PDE6B: variants seen among roughly 807,000 people sequenced by gnomAD.
PDE6B encodes the protein phosphodiesterase 6B.
PDE6B carries 106 observed loss-of-function variants against 109.0 expected under a neutral mutation model. The ratio of observed to expected loss-of-function variants is 0.97; its 90% CI spans 0.83 to 1.14. The LOEUF (loss-of-function observed/expected upper bound fraction) is 1.14. Among genes scored for constraint, PDE6B ranks in the 50% most tolerant of loss-of-function variants. The probability of loss-of-function intolerance (pLI) is 0.00; values close to 1 mark genes in which losing one functional copy is unlikely to be tolerated. For synonymous variants in PDE6B, 490 were observed against 471.3 expected (o/e 1.04, Z -0.51); for missense variants, 1,193 against 1,155.6 (o/e 1.03, Z -0.47).
At chr4:659,886 A>G (rs1168706590) in intron 11 of PDE6B, among the ~76,000 whole-genome samples, 1 of 152,176 alleles carries the variant, frequency 6.6e-6, no homozygotes, top group Non-Finnish European at 1.5e-5. Flanking sequence ...CTGCCTATGC[A>G]ATTTAGCCAG....
At chr4:630,530 C>G (rs1734333937) in intron 1 of PDE6B, among the ~76,000 whole-genome samples, 1 of 152,122 alleles carries the variant, frequency 6.6e-6, no homozygotes, top group Non-Finnish European at 1.5e-5. Context: ...GTAAACATTC[C>G]CTGTGGTGTT....
intron 8 of PDE6B, among the ~76,000 whole-genome samples, 198 bp downstream of exon 8, chr4:656,490 C>T (rs568514007): frequency 1.3e-5 from 2 of 151,956 alleles, no homozygotes; most frequent in Non-Finnish European, 2.9e-5. Context: ...CCCCCACACA[C>T]GCCCGCAAGG....
chr4:665,037 T>G lies in PDE6B; in HGVS notation c.2193+93T>G. 2 of 1,081,434 alleles carry G rather than the reference T, an allele frequency of 1.8e-6. No individual in the cohort carries two copies. Among genetic ancestry groups the G allele is most frequent in the South Asian group, 2.5e-5 (2 of 79,614 alleles). 67.0% of individuals were successfully genotyped at this position (1,081,434 alleles called of 1,614,324 possible). ...GGAGCCTCGGATGGCAACGGACCAT[T>G]GTTTGCAAGGAGCTCTGAGGGCCAC... On this transcript the variant is annotated intron_variant, in intron 18 of 21. Transcript: ENST00000496514. This position sits in a 1 kb window ranked among gnomAD's most constrained non-coding sequence, Gnocchi z 4.0.
At position 670,064 on chromosome 4, in the gene PDE6B, A is replaced by G. The variant is rs1738340560; in HGVS notation, c.2522A>G (p.Asn841Ser). 1 of 1,613,058 alleles carries G rather than the reference A, an allele frequency of 6.2e-7. No individual in the cohort carries two copies. The highest frequency in any genetic ancestry group is 1.7e-5 in the Admixed American group (1 of 59,982). ...AAKKVGTEIC[N>S]GGPAPKSSTC... ...CTTGCAGTAGGCACAGAAATTTGCAATGGCGGCCCAGCACCCAAGTCTTCA... is the reference window on the plus strand; with the variant it reads ...CTTGCAGTAGGCACAGAAATTTGCAGTGGCGGCCCAGCACCCAAGTCTTCA... Residue 841 changes from asparagine to serine, a missense_variant, in exon 22 of 22, where the codon AAT becomes AGT. Asn to Ser is a conservative substitution (Grantham distance 46). Transcript: ENST00000496514.
At chr4:632,096 T>C (rs1734414113) in intron 1 of PDE6B, among the ~76,000 whole-genome samples, 1 of 151,618 alleles carries the variant, frequency 6.6e-6, no homozygotes, top group African/African-American at 2.4e-5. Flanking sequence ...CAGGGTCACA[T>C]TGCATGGATT....
chr4:662,168 G>A lies in PDE6B; in HGVS notation c.1649G>A (p.Gly550Glu). The change falls in exon 13 of 22, where the codon GGG becomes GAG. Residue 550 changes from glycine to glutamate, a missense_variant. Gly to Glu is a moderately conservative substitution (Grantham distance 98). Coordinates refer to ENST00000496514, the MANE Select transcript of PDE6B (RefSeq NM_000283.4). The surrounding 1 kb of genome is among the most constrained non-coding windows in gnomAD (Gnocchi z 4.3). ...LVRFLFSISK[G>E]YRRITYHNWR... ...CGGTTCCTGTTCTCCATCAGCAAAG[G>A]GTACCGGAGAATCACCTACCACAAC... 2 of 1,578,066 alleles carry A rather than the reference G, an allele frequency of 1.3e-6. No individual in the cohort carries two copies. Among genetic ancestry groups the A allele is most frequent in the Non-Finnish European group, 1.7e-6 (2 of 1,161,828 alleles).
Position 625,912 on chromosome 4 carries a change from A to C in PDE6B, c.286A>C (p.Met96Leu). The change falls in exon 1 of 22, where the codon ATG becomes CTG. Residue 96 changes from methionine (M) to leucine (L), a missense_variant. Met to Leu is a conservative substitution (Grantham distance 15, BLOSUM62 2). Transcript: ENST00000496514. The surrounding 1 kb of genome is among the most constrained non-coding windows in gnomAD (Gnocchi z 5.0). Reference sequence around the variant, plus strand: ...GCAGGCCGACCGCTGCAGCCTCTTCATGTACCGCCAGCGCAACGGCGTGGC... The same window carrying C: ...GCAGGCCGACCGCTGCAGCCTCTTCCTGTACCGCCAGCGCAACGGCGTGGC... ...LLQADRCSLF[M>L]YRQRNGVAEL... is the part of the protein sequence containing the mutation. The C allele has an allele frequency of 6.2e-7, 1 of 1,602,542 alleles. No individual in the cohort carries two copies. The highest frequency in any genetic ancestry group is 8.5e-7 in the Non-Finnish European group (1 of 1,175,194).
At chr4:638,642 T>G (rs546997777) in intron 3 of PDE6B, among the ~76,000 whole-genome samples, 211 of 152,300 alleles carry the variant, frequency 1.4e-3, no homozygotes, top group Middle Eastern at 6.8e-3. Flanking sequence ...AAATATATTT[T>G]CAACACAAGT....
chr4:642,420 G>A (rs1203760887), intron 3 of PDE6B, among the ~76,000 whole-genome samples: 1 of 151,836 alleles, frequency 6.6e-6, no homozygotes, highest in Non-Finnish European at 1.5e-5. Context: ...AGGTTGTGGT[G>A]AGCCAAGATC....
intron 12 of PDE6B, 142 bp from the exon 13 acceptor site, chr4:661,992 T>C: frequency 1.5e-6 from 1 of 680,230 alleles, no homozygotes; most frequent in Non-Finnish European, 2.7e-6. Context: ...AACGCAGGGA[T>C]GGGGAAGATC....
At chr4:660,660 G>A in intron 12 of PDE6B, 47 bp downstream of exon 12, 4 of 1,564,272 alleles carry the variant, frequency 2.6e-6, no homozygotes, top group Non-Finnish European at 3.5e-6. Flanking sequence ...AGGCCGCCCA[G>A]GACATGGGGG....
chr4:634,325 C>G (rs1231576653), intron 1 of PDE6B, among the ~76,000 whole-genome samples: 1 of 152,122 alleles, frequency 6.6e-6, no homozygotes, highest in Non-Finnish European at 1.5e-5. Context: ...AGGGACAAGG[C>G]GAGCAGGCAG....
In PDE6B at chr4:633,385, T is replaced by G. The variant is rs1340816985; in HGVS notation, c.469-1292T>G. ...CACATGGCTATGGGCAGCAGCTGTA[T>G]CTCCAAGAATCAGGAAATGAGGAGC... On this transcript the variant is annotated intron_variant, in intron 1 of 21. Coordinates refer to ENST00000496514, the MANE Select transcript of PDE6B (RefSeq NM_000283.4). This position sits in a 1 kb window ranked among gnomAD's most constrained non-coding sequence, Gnocchi z 4.5. Among the ~76,000 whole-genome samples, 2 of 152,168 alleles carry G rather than the reference T, an allele frequency of 1.3e-5. No homozygotes were observed. Among genetic ancestry groups the G allele is most frequent in the African/African-American group, 4.8e-5 (2 of 41,440 alleles).
At chr4:655,613 A>G in intron 6 of PDE6B, 1 of 451,958 alleles carries the variant, frequency 2.2e-6, no homozygotes, top group Non-Finnish European at 4.1e-6. Flanking sequence ...CCTCCAACCC[A>G]CGCCCTGGCC....
At chr4:657,906 CTG>C (rs1233515249) in intron 10 of PDE6B, among the ~76,000 whole-genome samples, 2 of 127,108 alleles carry the variant, frequency 1.6e-5, no homozygotes, top group Admixed American at 8.6e-5. Context: ...GGGGTCATGG[CTG>C]TGTGGCACAG....
chr4:646,756 C>T (rs1264860350), intron 3 of PDE6B, among the ~76,000 whole-genome samples: 1 of 152,066 alleles, frequency 6.6e-6, no homozygotes, highest in Non-Finnish European at 1.5e-5. Context: ...TCCAGCGCGC[C>T]TTGTCCTTCC....
intron 3 of PDE6B, among the ~76,000 whole-genome samples, chr4:649,705 C>T (rs1436669568): frequency 6.6e-6 from 1 of 152,058 alleles, no homozygotes; most frequent in Admixed American, 6.5e-5. Context: ...ACCGCGTAGG[C>T]CTGAGCGCTT....
At chr4:664,081 C>A (rs775122966) in intron 16 of PDE6B, 33 bp from the exon 17 acceptor site, 1 of 1,449,490 alleles carries the variant, frequency 6.9e-7, no homozygotes. Context: ...CACACTTGCT[C>A]CCACCTGCAC....
chr4:669,802 G>A (rs1738300531), intron 21 of PDE6B, among the ~76,000 whole-genome samples: 1 of 150,984 alleles, frequency 6.6e-6, no homozygotes, highest in African/African-American at 2.4e-5. Flanking sequence ...GCTATCCTAT[G>A]CTACATAAAC....
Sources: gnomAD v4.1 joint callset for allele counts (sites outside exome capture counted in the v4.1 genomes callset) on GRCh38, gnomAD v4.1.1 for gene constraint, Gnocchi (gnomAD v3.1) non-coding constraint, MANE v1.5 for transcripts, NCBI Gene and HGNC (gene_info 2026-07-23, HGNC 2026-07-21) for gene names.